Variants in STX8 observed in about 807,000 individuals in gnomAD.
STX8 encodes syntaxin-8.
STX8 carries 23 observed loss-of-function variants against 37.5 expected under a neutral mutation model. The ratio of observed to expected loss-of-function variants is 0.61; its 90% CI spans 0.44 to 0.87. STX8 has a LOEUF of 0.87. STX8 is among the 40% of genes least tolerant of loss of function. The pLI, the probability that STX8 is intolerant of heterozygous loss-of-function variation, is 0.00. For missense variants in STX8, 313 were observed against 284.7 expected, an observed-to-expected ratio of 1.10 and a Z score of -0.71; for synonymous variants, 115 against 99.1, an observed-to-expected ratio of 1.16 and a Z score of -0.95.
chr17:9,522,426 G>A (rs1034786437), intron 4 of STX8, among the ~76,000 whole-genome samples: 4 of 151,920 alleles, frequency 2.6e-5, no homozygotes, highest in African/African-American at 7.3e-5. Context: ...GGCCGGGCAC[G>A]GTGGCTCACG....
intron 6 of STX8, among the ~76,000 whole-genome samples, chr17:9,452,898 C>T (rs1218926706): frequency 2.0e-5 from 3 of 151,856 alleles, no homozygotes; most frequent in East Asian, 1.9e-4. Flanking sequence ...CCCTGCCTCC[C>T]GGGTTCAAGC....
intron 7 of STX8, among the ~76,000 whole-genome samples, chr17:9,288,674 T>A (rs534614863): frequency 4.4e-4 from 64 of 146,696 alleles, no homozygotes; most frequent in Non-Finnish European, 1.8e-4. Context: ...AATAAATAAA[T>A]AAAATAAATA....
At chr17:9,421,097 A>G (rs933591355) in intron 6 of STX8, among the ~76,000 whole-genome samples, 2 of 152,158 alleles carry the variant, frequency 1.3e-5, no homozygotes, top group African/African-American at 4.8e-5. Context: ...TTGCATTACT[A>G]TAGAATTTTT....
intron 7 of STX8, among the ~76,000 whole-genome samples, chr17:9,312,873 C>G (rs999881772): frequency 1.3e-5 from 2 of 152,088 alleles, no homozygotes; most frequent in African/African-American, 4.8e-5. Flanking sequence ...CGTCCCCAGG[C>G]ATCCTCCAGG....
At chr17:9,263,792 G>C (rs530232787) in intron 7 of STX8, among the ~76,000 whole-genome samples, 3 of 152,238 alleles carry the variant, frequency 2.0e-5, no homozygotes, top group Admixed American at 6.5e-5. Flanking sequence ...TGATAGTCTC[G>C]CTAATTGTAT....
intron 6 of STX8, among the ~76,000 whole-genome samples, chr17:9,390,393 T>C (rs1291269865): frequency 6.6e-6 from 1 of 151,638 alleles, no homozygotes; most frequent in African/African-American, 2.4e-5. Flanking sequence ...GTGGTGGTGG[T>C]TGTCTGTAAT....
At chr17:9,283,923 G>A (rs1168915474) in intron 7 of STX8, among the ~76,000 whole-genome samples, 1 of 152,194 alleles carries the variant, frequency 6.6e-6, no homozygotes, top group Non-Finnish European at 1.5e-5. Flanking sequence ...GGAAAAGGCT[G>A]TTTTACTGTG....
chr17:9,568,281 G>T, intron 2 of STX8, 90 bp downstream of exon 2: 1 of 911,036 alleles, frequency 1.1e-6, no homozygotes, highest in Non-Finnish European at 1.7e-6. Context: ...ATACACACAT[G>T]TGCACAGACA....
At chr17:9,341,806 G>C (rs761587774) in intron 7 of STX8, among the ~76,000 whole-genome samples, 3 of 152,208 alleles carry the variant, frequency 2.0e-5, no homozygotes, top group African/African-American at 7.2e-5. Context: ...CCCACTGTGT[G>C]AGCAAATGCT....
intron 4 of STX8, among the ~76,000 whole-genome samples, chr17:9,529,498 A>C (rs536703488): frequency 1.1e-4 from 17 of 152,284 alleles, no homozygotes; most frequent in African/African-American, 3.9e-4. Context: ...GTGAATACCC[A>C]CAGTTAACCA....
At chr17:9,441,969 T>C (rs1352085610) in intron 6 of STX8, among the ~76,000 whole-genome samples, 1 of 152,122 alleles carries the variant, frequency 6.6e-6, no homozygotes, top group Non-Finnish European at 1.5e-5. Flanking sequence ...CCTGGCACCA[T>C]GGCTTTGATT....
At chr17:9,506,480 T>C (rs1904842060) in intron 4 of STX8, among the ~76,000 whole-genome samples, 1 of 128,306 alleles carries the variant, frequency 7.8e-6, no homozygotes, top group South Asian at 2.5e-4. Context: ...TTGACTTCAG[T>C]GTGGGAAAGT....
chr17:9,449,984 T>A (rs1473048214), intron 6 of STX8, among the ~76,000 whole-genome samples: 1 of 151,730 alleles, frequency 6.6e-6, no homozygotes, highest in Non-Finnish European at 1.5e-5. Flanking sequence ...TAAAGGAGAA[T>A]GAAAGAACCT....
intron 7 of STX8, among the ~76,000 whole-genome samples, chr17:9,288,003 T>C (rs548913393): frequency 1.4e-5 from 2 of 146,158 alleles, no homozygotes; most frequent in East Asian, 2.1e-4. Flanking sequence ...CCGCCTCGGC[T>C]TCCCAAAGTG....
chr17:9,425,264 C>G (rs1376582625), intron 6 of STX8, among the ~76,000 whole-genome samples: 1 of 152,140 alleles, frequency 6.6e-6, no homozygotes, highest in East Asian at 1.9e-4. Context: ...CATCGTTCAA[C>G]AAAATCTCAG....
In STX8 at chr17:9,313,648, C is replaced by T. The variant is rs561186020; in HGVS notation, c.644-63003G>A. Among the ~76,000 whole-genome samples the T allele has an allele frequency of 1.1e-4, 16 of 152,320 alleles. No individual in the cohort carries two copies. In the South Asian group the frequency reaches 1.2e-3, roughly 12 times the overall value. On this transcript the variant is annotated intron_variant, in intron 7 of 7. Transcript: ENST00000306357. Reference sequence around the variant, plus strand: ...CTTCTATCTCTAAGTCTTTTTGAGACGGAGTCTCGCTTCTGTCGCCCAGGC... The same window carrying T: ...CTTCTATCTCTAAGTCTTTTTGAGATGGAGTCTCGCTTCTGTCGCCCAGGC...
intron 6 of STX8, among the ~76,000 whole-genome samples, chr17:9,442,700 G>A (rs1904710622): frequency 6.6e-6 from 1 of 152,160 alleles, no homozygotes. Flanking sequence ...AAGCCACTGT[G>A]CCCGGCCTGT....
chr17:9,476,604 C>T (rs1906114679), intron 6 of STX8, among the ~76,000 whole-genome samples: 1 of 152,032 alleles, frequency 6.6e-6, no homozygotes, highest in African/African-American at 2.4e-5. Context: ...AGGCACATGC[C>T]ACCACACCCA....
At chr17:9,409,768 G>A (rs567192561) in intron 6 of STX8, among the ~76,000 whole-genome samples, 1 of 151,896 alleles carries the variant, frequency 6.6e-6, no homozygotes, top group African/African-American at 2.4e-5. Flanking sequence ...TGAGATAATA[G>A]ATCCCTAATT....
Sources: gnomAD v4.1 joint callset for allele counts (sites outside exome capture counted in the v4.1 genomes callset) on GRCh38, gnomAD v4.1.1 for gene constraint, MANE v1.5 for transcripts, NCBI Gene and HGNC (gene_info 2026-07-23, HGNC 2026-07-21) for gene names.